Variants in CSGALNACT1 observed in about 807,000 individuals in gnomAD.
CSGALNACT1 encodes beta4GalNAcT-1.
CSGALNACT1 carries 52 observed loss-of-function variants against 51.0 expected under a neutral mutation model. The observed-to-expected ratio is 1.02, with a 90% CI of 0.82 to 1.29. The LOEUF (loss-of-function observed/expected upper bound fraction) is 1.29. Among genes scored for constraint, CSGALNACT1 ranks in the 50% most tolerant of loss-of-function variants. The probability of loss-of-function intolerance (pLI) is 0.00; values close to 1 mark genes in which losing one functional copy is unlikely to be tolerated. For synonymous variants in CSGALNACT1, 341 were observed against 254.4 expected (o/e 1.34, Z -3.24); for missense variants, 935 against 679.2 (o/e 1.38, Z -4.19).
intron 4 of CSGALNACT1, among the ~76,000 whole-genome samples, chr8:19,478,503 C>T (rs900495503): frequency 6.6e-6 from 1 of 151,464 alleles, no homozygotes; most frequent in African/African-American, 2.4e-5. Flanking sequence ...GTAGCCTCGA[C>T]TCCCCAAGAG....
intron 1 of CSGALNACT1, among the ~76,000 whole-genome samples, chr8:19,742,506 C>T (rs61386264): frequency 2.0e-5 from 3 of 152,344 alleles, no homozygotes; most frequent in African/African-American, 4.8e-5. Flanking sequence ...CCAACTCCTC[C>T]GCTGAGACCT....
At chr8:19,486,340 T>C (rs574788410) in intron 4 of CSGALNACT1, among the ~76,000 whole-genome samples, 1 of 152,268 alleles carries the variant, frequency 6.6e-6, no homozygotes, top group African/African-American at 2.4e-5. Context: ...GCTTCTGCCC[T>C]ACCTCCCCAA....
In CSGALNACT1 at chr8:19,541,553, A is replaced by ATTTTTTTTTTTTTTTTTTT. The variant is rs1159626193; in HGVS notation, c.-296-35442_-296-35424dup. ...AGGTGTGAGCCACCGTGCTCAGCCA[A>ATTTTTTTTTTTTTTTTTTT]TTTTTTTTTTTTTTTTTTTTTTTTT... On this transcript the variant is annotated intron_variant, in intron 3 of 9. Coordinates refer to ENST00000454498, the Ensembl canonical transcript of CSGALNACT1. 7.4e-3 allele frequency among the ~76,000 whole-genome samples: 522 copies of ATTTTTTTTTTTTTTTTTTT among 70,088 alleles called. 91 individuals carry two copies. Among genetic ancestry groups the ATTTTTTTTTTTTTTTTTTT allele is most frequent in the Non-Finnish European group, 0.01 (411 of 40,012 alleles). 46.0% of individuals were successfully genotyped at this position (70,088 alleles called of 152,430 possible). A position where few individuals can be genotyped will look rare whatever the true frequency, so the allele number is the denominator to read the frequency against.
chr8:19,568,727 A>C (rs1261111081), intron 3 of CSGALNACT1, among the ~76,000 whole-genome samples: 1 of 152,212 alleles, frequency 6.6e-6, no homozygotes, highest in African/African-American at 2.4e-5. Flanking sequence ...AAACCAACAG[A>C]TATATGGTGC....
At chr8:19,683,540 T>C (rs1166725103), upstream of CSGALNACT1, among the ~76,000 whole-genome samples, 1 of 152,168 alleles carries the variant, frequency 6.6e-6, no homozygotes, top group Non-Finnish European at 1.5e-5. Flanking sequence ...ACAGTCCCTT[T>C]CGTAACTGAT....
At chr8:19,608,254 G>C (rs1042920020) in intron 1 of CSGALNACT1, among the ~76,000 whole-genome samples, 1 of 152,118 alleles carries the variant, frequency 6.6e-6, no homozygotes, top group African/African-American at 2.4e-5. Flanking sequence ...ACACCTATAC[G>C]GGGCAGCCCA....
intron 1 of CSGALNACT1, among the ~76,000 whole-genome samples, chr8:19,717,672 C>T (rs1027116669): frequency 6.6e-6 from 1 of 152,218 alleles, no homozygotes; most frequent in African/African-American, 2.4e-5. Context: ...ACCCACTGCC[C>T]TGAGCTCCTG....
chr8:19,433,390 G>C (rs914654371), intron 6 of CSGALNACT1, among the ~76,000 whole-genome samples: 1 of 152,130 alleles, frequency 6.6e-6, no homozygotes, highest in African/African-American at 2.4e-5. Context: ...AGAGGTACAT[G>C]GTCCTTAGGT....
intron 3 of CSGALNACT1, among the ~76,000 whole-genome samples, chr8:19,564,822 G>A (rs1157058829): frequency 1.3e-5 from 2 of 152,196 alleles, no homozygotes; most frequent in African/African-American, 4.8e-5. Flanking sequence ...CCATGAGAAT[G>A]TAAGCCCCAT....
At chr8:19,545,961 GC>G (rs2086372488) in intron 3 of CSGALNACT1, among the ~76,000 whole-genome samples, 2 of 151,362 alleles carry the variant, frequency 1.3e-5, no homozygotes, top group Non-Finnish European at 2.9e-5. Flanking sequence ...CTCACAATTT[GC>G]AAACTGCATG....
At position 19,505,445 on chromosome 8, in the gene CSGALNACT1, CT is replaced by C; in HGVS notation, c.389del (p.Lys130ArgfsTer4). The stretch of plus-strand genomic sequence containing the variant: ...GCTTGACGCCAGCATTCACCTCTGC[CT>C]TGTCCACCTGCGAGTGCAGGAAGGC... On this transcript the variant is annotated frameshift_variant, in exon 4 of 10. Coordinates refer to ENST00000454498, the Ensembl canonical transcript of CSGALNACT1. LOFTEE classifies it high-confidence loss of function. 1 of 1,614,224 alleles carries C rather than the reference CT, an allele frequency of 6.2e-7. No homozygotes were observed. The highest frequency in any genetic ancestry group is 8.5e-7 in the Non-Finnish European group (1 of 1,180,036).
intron 1 of CSGALNACT1, among the ~76,000 whole-genome samples, chr8:19,703,347 A>T (rs2061983563): frequency 1.3e-5 from 2 of 152,166 alleles, no homozygotes. Flanking sequence ...TCTGTCACCC[A>T]GGCTAGAGTG....
intron 1 of CSGALNACT1, among the ~76,000 whole-genome samples, chr8:19,734,881 T>C (rs2063882774): frequency 6.6e-6 from 1 of 152,034 alleles, no homozygotes; most frequent in Non-Finnish European, 1.5e-5. Context: ...ACATTATAAA[T>C]GTATATCTGA....
At chr8:19,463,086 G>A (rs750543140) in intron 4 of CSGALNACT1, among the ~76,000 whole-genome samples, 2 of 152,040 alleles carry the variant, frequency 1.3e-5, no homozygotes, top group East Asian at 1.9e-4. Flanking sequence ...TTTGGTTTCC[G>A]GTTTCTGCAT....
chr8:19,412,619 G>A (rs1487385697), intron 8 of CSGALNACT1, among the ~76,000 whole-genome samples: 3 of 152,206 alleles, frequency 2.0e-5, no homozygotes, highest in Non-Finnish European at 1.5e-5. Context: ...TAGCAGGGCC[G>A]GCTTACAAAG....
chr8:19,495,197 T>C (rs2075240917), intron 4 of CSGALNACT1: 1 of 152,162 alleles, frequency 6.6e-6, no homozygotes. Flanking sequence ...TTCCCCTTCT[T>C]TAGGTAAATC....
chr8:19,564,084 G>A (rs2041397038), intron 3 of CSGALNACT1, among the ~76,000 whole-genome samples: 2 of 152,128 alleles, frequency 1.3e-5, no homozygotes, highest in Non-Finnish European at 2.9e-5. Context: ...TGCTCCCACA[G>A]GATACTGCTT....
chr8:19,567,708 GTC>G (rs1235249421), intron 3 of CSGALNACT1, among the ~76,000 whole-genome samples: 2 of 152,114 alleles, frequency 1.3e-5, no homozygotes, highest in Non-Finnish European at 2.9e-5. Flanking sequence ...TTACTGATGT[GTC>G]TATTTTCTAT....
At chr8:19,590,834 A>T (rs2047661918) in intron 3 of CSGALNACT1, among the ~76,000 whole-genome samples, 1 of 151,796 alleles carries the variant, frequency 6.6e-6, no homozygotes, top group South Asian at 2.1e-4. Flanking sequence ...TATTTTTAGT[A>T]GAGACGGGGT....
Sources: allele counts gnomAD v4.1 joint callset (sites outside exome capture counted in the v4.1 genomes callset), GRCh38; gene constraint gnomAD v4.1.1; transcripts MANE v1.5; gene names NCBI Gene and HGNC (gene_info 2026-07-23, HGNC 2026-07-21).